Variants in ABCG2 observed in about 807,000 individuals in gnomAD.
The protein encoded by ABCG2 is ATP binding cassette subfamily G member 2 (JR blood group), also known as broad substrate specificity ATP-binding cassette transporter ABCG2.
Under a neutral mutation model 73.5 loss-of-function variants are expected in ABCG2, and 80 were observed. That is an observed-to-expected ratio of 1.09 (90% CI 0.91 to 1.31). The LOEUF (loss-of-function observed/expected upper bound fraction) is 1.31. ABCG2 is among the 50% of genes most tolerant of loss of function. The probability of loss-of-function intolerance (pLI) is 0.00; values close to 1 mark genes in which losing one functional copy is unlikely to be tolerated. For synonymous variants in ABCG2, 269 were observed against 282.4 expected (o/e 0.95, Z 0.48); for missense variants, 796 against 786.2 (o/e 1.01, Z -0.15).
At chr4:88,109,205 G>A (rs1160704302) in intron 9 of ABCG2, among the ~76,000 whole-genome samples, 2 of 151,670 alleles carry the variant, frequency 1.3e-5, no homozygotes, top group Admixed American at 6.6e-5. Context: ...TCACTATGTT[G>A]GCCAGGCTGG....
At chr4:88,101,189 G>C (rs770326900) in intron 11 of ABCG2, 41 bp downstream of exon 11, 3 of 1,574,686 alleles carry the variant, frequency 1.9e-6, no homozygotes, top group Non-Finnish European at 2.6e-6. Context: ...AATAGCCCCT[G>C]CTGCTGGACA....
chr4:88,160,932 T>C (rs1441037894), upstream of ABCG2, among the ~76,000 whole-genome samples: 1 of 151,076 alleles, frequency 6.6e-6, no homozygotes, highest in Non-Finnish European at 1.5e-5. Context: ...TCCCAACACT[T>C]TGGGAGGCAG....
Position 88,167,472 on chromosome 4 carries a change from C to T in ABCG2, c.-19-27458G>A, listed in dbSNP as rs576033911. On this transcript the variant is annotated intron_variant, in intron 1 of 15. Transcript: ENST00000515655. ...CACTGCAACCTTCGCCTCCCAGGCT[C>T]AAGCAATTATCCTGCCTCAACCTCC... Among the ~76,000 whole-genome samples, 4 of 149,852 alleles carry T rather than the reference C, an allele frequency of 2.7e-5. No individual in the cohort carries two copies. In the South Asian group the frequency reaches 8.5e-4, roughly 32 times the overall value.
At chr4:88,107,405 C>T (rs905404968) in intron 9 of ABCG2, 139 bp from the exon 10 acceptor site, 9 of 566,216 alleles carry the variant, frequency 1.6e-5, no homozygotes, top group Admixed American at 1.4e-4. Context: ...GCTTGGCCAA[C>T]GTCCCTGGGA....
At position 88,143,799 on chromosome 4, in the gene ABCG2, G is replaced by GA. The variant is rs903838220; in HGVS notation, c.-19-3786dup. 6.4e-5 allele frequency among the ~76,000 whole-genome samples: 9 copies of GA among 139,584 alleles called. No individual in the cohort carries two copies. In the East Asian group the frequency reaches 1.2e-3, roughly 18 times the overall value. 91.6% of individuals were successfully genotyped at this position (139,584 alleles called of 152,430 possible). On this transcript the variant is annotated intron_variant, in intron 1 of 15. Transcript: ENST00000237612. ...GAAGCACGTTACATCAAAAAGAAAG[G>GA]AAAAAAAACAAACTTTAATTCTAAC...
chr4:88,130,247 C>T (rs1003118601), intron 5 of ABCG2, among the ~76,000 whole-genome samples: 41 of 152,218 alleles, frequency 2.7e-4, no homozygotes, highest in African/African-American at 9.4e-4. Context: ...TGAGCTCCAC[C>T]TGTCAGGTCA....
upstream of ABCG2, among the ~76,000 whole-genome samples, chr4:88,160,253 A>AT (rs993872772): frequency 6.6e-6 from 1 of 152,022 alleles, no homozygotes; most frequent in Non-Finnish European, 1.5e-5. Context: ...AGAAAAAAAA[A>AT]AAAATTAAGA....
In ABCG2 at chr4:88,180,893, T is replaced by A. The variant is rs1728208062; in HGVS notation, c.-19-40879A>T. 3.3e-5 allele frequency among the ~76,000 whole-genome samples: 5 copies of A among 152,094 alleles called. No homozygotes were observed. The South Asian group carries it at 1.0e-3, about 32-fold the overall frequency. On this transcript the variant is annotated intron_variant, in intron 1 of 15. Transcript: ENST00000515655. Reference sequence around the variant, plus strand: ...ATATTATAACACCGTAATTCCAAAGTGTAAACTACTCATATTTTGAGTAGA... The same window carrying A: ...ATATTATAACACCGTAATTCCAAAGAGTAAACTACTCATATTTTGAGTAGA...
chr4:88,163,516 TAGAAA>T (rs1475897379), upstream of ABCG2: 3 of 169,338 alleles, frequency 1.8e-5, no homozygotes, highest in African/African-American at 7.2e-5. Flanking sequence ...GAATTAGAAT[TAGAAA>T]AGAAAAGGAA....
At chr4:88,157,031 G>A (rs911664931) in intron 1 of ABCG2, among the ~76,000 whole-genome samples, 2 of 152,186 alleles carry the variant, frequency 1.3e-5, no homozygotes, top group Admixed American at 1.3e-4. Flanking sequence ...GAACCTGGGA[G>A]GCAAAGGTTG....
At chr4:88,206,695 C>G (rs1307613335) in intron 1 of ABCG2, 1 of 152,186 alleles carries the variant, frequency 6.6e-6, no homozygotes, top group Non-Finnish European at 1.5e-5. Context: ...ATTTTAATAC[C>G]TAGATCCAGG....
chr4:88,111,981 G>A (rs533320296), intron 9 of ABCG2, among the ~76,000 whole-genome samples: 48 of 152,084 alleles, frequency 3.2e-4, no homozygotes, highest in African/African-American at 1.1e-3. Context: ...CAGCTACTCG[G>A]GAGGCTGAAG....
chr4:88,098,920 G>A (rs1183611545), intron 12 of ABCG2, among the ~76,000 whole-genome samples: 1 of 152,044 alleles, frequency 6.6e-6, no homozygotes, highest in Non-Finnish European at 1.5e-5. Context: ...AGACCAGCAT[G>A]GGCAACACAG....
chr4:88,202,383 T>TATATATATATATATATATAGATA (rs1316002025), intron 1 of ABCG2, among the ~76,000 whole-genome samples: 1 of 130,140 alleles, frequency 7.7e-6, no homozygotes, highest in Non-Finnish European at 1.7e-5. Context: ...TATATGTATA[T>TATATATATATATATATATAGATA]TTTAATTAGC....
chr4:88,185,666 T>C lies in ABCG2; in HGVS notation c.-20+45328A>G, dbSNP rs115651969. On this transcript the variant is annotated intron_variant, in intron 1 of 15. Transcript: ENST00000515655. ...AACTGAAAAAAACTCTATAAAAAACTAATAATCCAATTTAAAAATGGCCAA... is the reference window on the plus strand; with the variant it reads ...AACTGAAAAAAACTCTATAAAAAACCAATAATCCAATTTAAAAATGGCCAA... 4.0e-3 allele frequency among the ~76,000 whole-genome samples: 605 copies of C among 152,088 alleles called. 2 individuals carry two copies. The highest frequency in any genetic ancestry group is 5.2e-3 in the Admixed American group (80 of 15,276).
intron 6 of ABCG2, 69 bp downstream of exon 6, chr4:88,121,565 GC>G: frequency 3.5e-6 from 5 of 1,422,728 alleles, no homozygotes; most frequent in Non-Finnish European, 3.8e-6. Context: ...TGAACCCCCT[GC>G]CCCAAGAATA....
At chr4:88,155,048 G>T in intron 1 of ABCG2, among the ~76,000 whole-genome samples, 1 of 152,258 alleles carries the variant, frequency 6.6e-6, no homozygotes, top group South Asian at 2.1e-4. Flanking sequence ...TAATGAAAAG[G>T]GTTGGGATGA....
chr4:88,092,412 C>A (rs1721698647), intron 15 of ABCG2, 31 bp from the exon 16 acceptor site: 1 of 1,595,440 alleles, frequency 6.3e-7, no homozygotes, highest in South Asian at 1.2e-5. Flanking sequence ...AATATAACTT[C>A]ATTCCTAGCA....
At chr4:88,145,260 A>C (rs2110063967) in intron 1 of ABCG2, among the ~76,000 whole-genome samples, 1 of 152,374 alleles carries the variant, frequency 6.6e-6, no homozygotes, top group Non-Finnish European at 1.5e-5. Context: ...CTACAAACTT[A>C]GCAGTGGAAA....
Sources: allele counts gnomAD v4.1 joint callset (sites outside exome capture counted in the v4.1 genomes callset), GRCh38; gene constraint gnomAD v4.1.1; transcripts MANE v1.5; gene names NCBI Gene and HGNC (gene_info 2026-07-23, HGNC 2026-07-21).